ANO1: variants seen among roughly 807,000 people sequenced by gnomAD.
The protein encoded by ANO1 is anoctamin-1.
ANO1 carries 59 observed loss-of-function variants against 124.0 expected under a neutral mutation model. That is an observed-to-expected ratio of 0.48 (90% confidence interval 0.39 to 0.59). The LOEUF is 0.59. ANO1 is among the 20% of genes least tolerant of loss of function. The pLI is 0.00. For synonymous variants in ANO1, 529 were observed against 532.0 expected, an observed-to-expected ratio of 0.99 and a Z score of 0.08; for missense variants, 1,059 against 1,328.0, an observed-to-expected ratio of 0.80 and a Z score of 3.15.
chr11:70,063,839 GCT>G (rs1857654238), intron 1 of ANO1: 1 of 152,230 alleles, frequency 6.6e-6, no homozygotes, highest in African/African-American at 2.4e-5. Context: ...TCTGAATCTT[GCT>G]CTCTCTTTTC....
At chr11:70,116,322 T>G in intron 7 of ANO1, 136 bp from the exon 8 acceptor site, 2 of 943,112 alleles carry the variant, frequency 2.1e-6, no homozygotes, top group South Asian at 1.6e-5. Flanking sequence ...ACACTCTGTG[T>G]GAAATGTTGC....
At chr11:70,106,634 G>A (rs1485004349) in intron 5 of ANO1, among the ~76,000 whole-genome samples, 1 of 152,216 alleles carries the variant, frequency 6.6e-6, no homozygotes, top group Non-Finnish European at 1.5e-5. Context: ...AGAGACCCTG[G>A]AGGCCAGTTT....
chr11:70,057,434 T>TTGTG (rs142366013), intron 1 of ANO1, among the ~76,000 whole-genome samples: 27,223 of 149,724 alleles, frequency 0.18, 2,888 homozygotes, highest in East Asian at 0.48. Flanking sequence ...AACTCCAATT[T>TTGTG]TGTGTGTGTG....
chr11:70,111,072 TA>T (rs2045758841), intron 6 of ANO1: 5 of 448,486 alleles, frequency 1.1e-5, no homozygotes, highest in South Asian at 7.8e-5. Context: ...GCCCCAAATG[TA>T]GCTTTGATCC....
intron 1 of ANO1, among the ~76,000 whole-genome samples, chr11:70,021,320 G>T (rs767727763): frequency 4.6e-5 from 7 of 152,188 alleles, no homozygotes; most frequent in African/African-American, 1.4e-4. Flanking sequence ...CTGACTTGAC[G>T]AACGTTGGTT....
chr11:69,986,636 G>A (rs1856048496), intron 1 of ANO1, among the ~76,000 whole-genome samples: 2 of 151,942 alleles, frequency 1.3e-5, no homozygotes, highest in African/African-American at 2.4e-5. Context: ...ACTATGACTC[G>A]AAATCATAAT....
chr11:69,983,413 C>T (rs1409694288), upstream of ANO1, among the ~76,000 whole-genome samples: 2 of 152,172 alleles, frequency 1.3e-5, no homozygotes, highest in Admixed American at 6.5e-5. Flanking sequence ...TCCGTAATGA[C>T]GGCTGTGTGT....
the ANO1 span, among the ~76,000 whole-genome samples, chr11:69,976,507 TAAAAAAAAAAAAAA>T: frequency 2.7e-5 from 2 of 74,498 alleles, no homozygotes; most frequent in Admixed American, 1.6e-4. Context: ...ACTCCGTCTC[TAAAAAAAAAAAAAA>T]AAAAAAAAAA....
At chr11:70,055,589 G>A (rs1053883481) in intron 1 of ANO1, among the ~76,000 whole-genome samples, 6 of 151,834 alleles carry the variant, frequency 4.0e-5, no homozygotes, top group African/African-American at 1.2e-4. Flanking sequence ...TCTGTATATA[G>A]TATATAGTTG....
intron 6 of ANO1, 70 bp from the exon 7 acceptor site, chr11:70,111,637 G>A (rs191449155): frequency 2.3e-5 from 34 of 1,484,850 alleles, no homozygotes; most frequent in Middle Eastern, 1.7e-4. Flanking sequence ...CCCTGTGACC[G>A]CTGTGACTTT....
At chr11:69,968,971 C>T in the ANO1 span, among the ~76,000 whole-genome samples, 1 of 152,220 alleles carries the variant, frequency 6.6e-6, no homozygotes, top group African/African-American at 2.4e-5. Flanking sequence ...TTGTCACTAA[C>T]CTCTAGGTTC....
chr11:70,089,507 T>C (rs151115447), intron 2 of ANO1, among the ~76,000 whole-genome samples: 1 of 152,298 alleles, frequency 6.6e-6, no homozygotes, highest in Non-Finnish European at 1.5e-5. Flanking sequence ...TCAAAGGGTC[T>C]TGTTGAACCT....
Position 70,187,907 on chromosome 11 carries a change from A to G in ANO1, c.2864A>G (p.Lys955Arg), listed in dbSNP as rs1485016667. ...LETWMEKERQKDEPPCNHHNT... is the reference protein window; with the variant it reads ...LETWMEKERQRDEPPCNHHNT... ...ACCTGGATGGAGAAGGAGCGGCAGA[A>G]GGACGAGCCGCCGTGCAACCACCAC... is the stretch of plus-strand genomic sequence containing the variant. Residue 955 changes from lysine to arginine, a missense_variant, in exon 26 of 26, where the codon AAG becomes AGG. Around this residue, in one of 2 missense-constraint regions of ANO1, gnomAD observed 809 missense variants for 1,094.9 expected, o/e 0.74. Transcript: ENST00000355303. The G allele has an allele frequency of 4.4e-6, 7 of 1,593,266 alleles. No individual in the cohort carries two copies. The highest frequency in any genetic ancestry group is 8.5e-7 in the Non-Finnish European group (1 of 1,170,984).
At chr11:70,099,930 G>A (rs535407202) in intron 2 of ANO1, among the ~76,000 whole-genome samples, 1 of 152,308 alleles carries the variant, frequency 6.6e-6, no homozygotes, top group South Asian at 2.1e-4. Flanking sequence ...GAGGGCCACA[G>A]AAGGATCTGG....
Position 70,161,286 on chromosome 11 carries a change from A to C in ANO1, c.1704A>C (p.Ala568=). ...SNIRVTVTAT[A]VIINLVVIIL... ...TCCGGGTCACAGTCACAGCCACCGCAGTCATCATCAACCTAGTGGTCATCA... is the reference window on the plus strand; with the variant it reads ...TCCGGGTCACAGTCACAGCCACCGCCGTCATCATCAACCTAGTGGTCATCA... The change falls in exon 17 of 26, where the codon GCA becomes GCC. Residue 568 remains alanine (A), a synonymous_variant. Coordinates refer to ENST00000355303, the MANE Select transcript of ANO1 (RefSeq NM_018043.7). The C allele has an allele frequency of 6.2e-7, 1 of 1,613,762 alleles. No homozygotes were observed. Among genetic ancestry groups the C allele is most frequent in the Admixed American group, 1.7e-5 (1 of 60,014 alleles).
chr11:70,101,505 G>A (rs1590733146), intron 2 of ANO1, among the ~76,000 whole-genome samples: 1 of 142,060 alleles, frequency 7.0e-6, no homozygotes, highest in African/African-American at 2.6e-5. Flanking sequence ...GCAGTGAGCT[G>A]AGAACACGCC....
chr11:70,157,056 G>A (rs770643962), intron 16 of ANO1, 35 bp downstream of exon 16: 7 of 1,586,008 alleles, frequency 4.4e-6, no homozygotes, highest in East Asian at 2.3e-5. Context: ...GACGAAGTCA[G>A]GGGAAACCGC....
chr11:70,073,784 C>G (rs1484548383), upstream of ANO1, among the ~76,000 whole-genome samples: 1 of 152,094 alleles, frequency 6.6e-6, no homozygotes, highest in Non-Finnish European at 1.5e-5. Context: ...TGAAAACCCT[C>G]CTATGGAAAC....
intron 16 of ANO1, among the ~76,000 whole-genome samples, chr11:70,160,578 C>A (rs562697496): frequency 6.6e-6 from 1 of 152,276 alleles, no homozygotes; most frequent in East Asian, 1.9e-4. Context: ...CCCAAAGCAT[C>A]TCCAGCCAGA....
Sources: gnomAD v4.1 joint callset for allele counts (sites outside exome capture counted in the v4.1 genomes callset) on GRCh38, gnomAD v4.1.1 for gene constraint, gnomAD v4.1.1 regional missense constraint, MANE v1.5 for transcripts, NCBI Gene and HGNC (gene_info 2026-07-23, HGNC 2026-07-21) for gene names.